The following TRDN variants were observed in gnomAD, a reference collection of about 807,000 sequenced individuals.
The protein encoded by TRDN is triadin in skeletal muscle.
In TRDN, 161 loss-of-function variants were observed where a neutral mutation model predicts 149.7. The observed-to-expected ratio is 1.08, with a 90% CI of 0.95 to 1.23. The LOEUF (loss-of-function observed/expected upper bound fraction) is 1.23, where lower values mean the gene tolerates loss of function less well. Ranked by LOEUF, TRDN falls within the 50% of genes most tolerant of loss-of-function variation. The pLI, the probability that TRDN is intolerant of heterozygous loss-of-function variation, is 0.00. For missense variants in TRDN, 896 were observed against 823.5 expected, an observed-to-expected ratio of 1.09 and a Z score of -1.08; for synonymous variants, 294 against 250.5, an observed-to-expected ratio of 1.17 and a Z score of -1.64.
At position 123,279,160 on chromosome 6, in the gene TRDN, T is replaced by C. The variant is rs532403402; in HGVS notation, c.1511-78A>G. The C allele has an allele frequency of 1.1e-4, 123 of 1,159,556 alleles. No individual in the cohort carries two copies. In the South Asian group the frequency reaches 1.5e-3, roughly 14 times the overall value. 71.8% of individuals were successfully genotyped at this position (1,159,556 alleles called of 1,614,324 possible). On this transcript the variant is annotated intron_variant, in intron 24 of 40. Coordinates refer to ENST00000334268, the MANE Select transcript of TRDN (RefSeq NM_006073.4). ...ATTAACATTATTGAATATGATATAA[T>C]ATATTTGAAAATAAAAATGAAACAA...
intron 24 of TRDN, among the ~76,000 whole-genome samples, chr6:123,309,878 G>T (rs2114686540): frequency 6.6e-6 from 1 of 152,038 alleles, no homozygotes; most frequent in South Asian, 2.1e-4. Context: ...GATAAAATTT[G>T]TCTAAACTTC....
chr6:123,356,575 A>G (rs2114318054), intron 20 of TRDN, among the ~76,000 whole-genome samples: 1 of 140,556 alleles, frequency 7.1e-6, no homozygotes, highest in South Asian at 2.2e-4. Flanking sequence ...AAGTTTTGGT[A>G]TTACAGTAAT....
intron 9 of TRDN, among the ~76,000 whole-genome samples, chr6:123,495,182 T>C (rs1167309383): frequency 6.6e-6 from 1 of 152,046 alleles, no homozygotes; most frequent in African/African-American, 2.4e-5. Context: ...CCCTACCAAG[T>C]AGCTGGGACA....
chr6:123,568,714 C>G (rs902277329), intron 2 of TRDN, among the ~76,000 whole-genome samples: 2 of 152,194 alleles, frequency 1.3e-5, no homozygotes, highest in Non-Finnish European at 2.9e-5. Context: ...ATATAGGCAG[C>G]ACTCTTCTGA....
At position 123,437,553 on chromosome 6, in the gene TRDN, C is replaced by T. The variant is rs1477652888; in HGVS notation, c.1051+510G>A. 8 of 206,468 alleles carry T rather than the reference C, an allele frequency of 3.9e-5. No individual in the cohort carries two copies. In the East Asian group the frequency reaches 1.1e-3, roughly 28 times the overall value. The allele number at this position is 206,468 out of a possible 1,614,324, so 12.8% of individuals were successfully genotyped here. The stretch of plus-strand genomic sequence containing the variant: ...CTCTAGTAGCTGGGACATTTACAAG[C>T]CACTTTTCAGTTTCACAACCCATAA... On this transcript the variant is annotated intron_variant, in intron 12 of 40. Transcript: ENST00000334268.
At chr6:123,536,520 T>C (rs1224566166) in intron 4 of TRDN, among the ~76,000 whole-genome samples, 1 of 151,914 alleles carries the variant, frequency 6.6e-6, no homozygotes, top group Non-Finnish European at 1.5e-5. Flanking sequence ...AAGATTTTAC[T>C]ACTTATGGAA....
intron 38 of TRDN, among the ~76,000 whole-genome samples, chr6:123,238,364 T>G (rs2114537699): frequency 6.6e-6 from 1 of 152,298 alleles, no homozygotes; most frequent in Admixed American, 6.5e-5. Context: ...CCTCTCTTGT[T>G]TAGAAGGGGT....
intron 4 of TRDN, among the ~76,000 whole-genome samples, chr6:123,544,559 G>A (rs1469515675): frequency 6.6e-6 from 1 of 151,908 alleles, no homozygotes; most frequent in African/African-American, 2.4e-5. Context: ...TTGCTTAAAA[G>A]CACACTTCCA....
chr6:123,414,873 C>T (rs984193838), intron 12 of TRDN, among the ~76,000 whole-genome samples: 3 of 151,968 alleles, frequency 2.0e-5, no homozygotes, highest in South Asian at 2.1e-4. Context: ...TTTTGAATAT[C>T]GTTTCAGTTT....
intron 18 of TRDN, among the ~76,000 whole-genome samples, chr6:123,376,732 C>A (rs911315559): frequency 1.3e-5 from 2 of 152,090 alleles, no homozygotes; most frequent in African/African-American, 2.4e-5. Flanking sequence ...GGATTCAAAC[C>A]TGTAGTTTTC....
rs9490705 is a variant in TRDN at position 123,224,227 on chromosome 6, C to T, written c.1976-96G>A. 7.8e-3 allele frequency: 9,161 copies of T among 1,180,092 alleles called. 540 individuals carry two copies. The African/African-American group carries it at 0.12, about 16-fold the overall frequency. 73.1% of individuals were successfully genotyped at this position (1,180,092 alleles called of 1,614,324 possible). A position where few individuals can be genotyped will look rare whatever the true frequency, so the allele number is the denominator to read the frequency against. ...TAAAGGTTTTTAAGAGTCACAAGATCCCTGAATCTACAAACTCAGCATCTA... is the reference window on the plus strand; with the variant it reads ...TAAAGGTTTTTAAGAGTCACAAGATTCCTGAATCTACAAACTCAGCATCTA... On this transcript the variant is annotated intron_variant, in intron 38 of 40. Transcript: ENST00000334268.
chr6:123,311,597 T>A (rs1257303905), intron 24 of TRDN, among the ~76,000 whole-genome samples: 1 of 151,942 alleles, frequency 6.6e-6, no homozygotes, highest in African/African-American at 2.4e-5. Context: ...AAACAAAATG[T>A]CTCTAATTCA....
chr6:123,319,378 T>C (rs1237583771), intron 23 of TRDN, among the ~76,000 whole-genome samples: 2 of 152,060 alleles, frequency 1.3e-5, no homozygotes, highest in Non-Finnish European at 2.9e-5. Flanking sequence ...AGATGATATT[T>C]CTACTGACAG....
intron 24 of TRDN, among the ~76,000 whole-genome samples, chr6:123,304,697 T>C (rs951319595): frequency 2.6e-5 from 4 of 152,254 alleles, no homozygotes; most frequent in Admixed American, 2.6e-4. Context: ...TGCACAGCAT[T>C]AAACACAGGT....
Position 123,531,317 on chromosome 6 carries a change from G to C in TRDN, c.425-752C>G, listed in dbSNP as rs1435052458. On this transcript the variant is annotated intron_variant, in intron 4 of 40. Coordinates refer to ENST00000334268, the MANE Select transcript of TRDN (RefSeq NM_006073.4). The stretch of plus-strand genomic sequence containing the variant: ...ATCTTAAATATAGTGTTTTTTCTTA[G>C]AAAAATGCTAATGAGGTTTACTTAT... Among the ~76,000 whole-genome samples, 3 of 151,890 alleles carry C rather than the reference G, an allele frequency of 2.0e-5. 1 individual carries two copies. Among genetic ancestry groups the C allele is most frequent in the Admixed American group, 2.0e-4 (3 of 15,214 alleles).
At chr6:123,527,923 T>C (rs2114322800) in intron 5 of TRDN, among the ~76,000 whole-genome samples, 1 of 152,014 alleles carries the variant, frequency 6.6e-6, no homozygotes, top group Non-Finnish European at 1.5e-5. Flanking sequence ...TAACTTAGTT[T>C]AAGGTAAACC....
At chr6:123,375,513 C>G in intron 19 of TRDN, 92 bp downstream of exon 19, 3 of 1,095,526 alleles carry the variant, frequency 2.7e-6, no homozygotes, top group Non-Finnish European at 3.9e-6. Context: ...GTAAGCCATT[C>G]TCAAAATTAG....
chr6:123,575,943 A>G (rs545851260), intron 1 of TRDN, among the ~76,000 whole-genome samples: 24 of 152,272 alleles, frequency 1.6e-4, no homozygotes, highest in African/African-American at 5.8e-4. Flanking sequence ...CTAGAATGGT[A>G]TAAATGAAAC....
At chr6:123,506,284 A>C (rs183030424) in intron 7 of TRDN, among the ~76,000 whole-genome samples, 247 of 152,294 alleles carry the variant, frequency 1.6e-3, no homozygotes, top group African/African-American at 5.8e-3. Flanking sequence ...GCACAGCAAA[A>C]TTAAAACCGT....
Sources: gnomAD v4.1 joint callset for allele counts (sites outside exome capture counted in the v4.1 genomes callset) on GRCh38, gnomAD v4.1.1 for gene constraint, MANE v1.5 for transcripts, NCBI Gene and HGNC (gene_info 2026-07-23, HGNC 2026-07-21) for gene names.